The following CEP128 variants were observed in gnomAD, a reference collection of about 807,000 sequenced individuals.
CEP128 encodes the protein centrosomal protein 128kDa.
In CEP128, 132 loss-of-function variants were observed where a neutral mutation model predicts 156.7. The ratio of observed to expected loss-of-function variants is 0.84; its 90% confidence interval spans 0.73 to 0.97. CEP128 has a LOEUF of 0.97. CEP128 is among the 50% of genes least tolerant of loss of function. CEP128 has a pLI of 0.00. For synonymous variants in CEP128, 469 were observed against 448.9 expected (o/e 1.04, Z -0.57); for missense variants, 1,252 against 1,281.9 (o/e 0.98, Z 0.36).
At chr14:80,648,714 A>G (rs567719070) in intron 19 of CEP128, among the ~76,000 whole-genome samples, 2 of 152,120 alleles carry the variant, frequency 1.3e-5, no homozygotes, top group African/African-American at 4.8e-5. Context: ...TTTTTCATTC[A>G]TTAATTCATT....
chr14:80,940,427 A>G (rs1391336995), intron 1 of CEP128, among the ~76,000 whole-genome samples: 2 of 152,226 alleles, frequency 1.3e-5, no homozygotes, highest in African/African-American at 4.8e-5. Flanking sequence ...CACTAGACAC[A>G]TGGCTACTGA....
At chr14:80,645,985 G>C (rs1290755506) in intron 19 of CEP128, among the ~76,000 whole-genome samples, 1 of 152,152 alleles carries the variant, frequency 6.6e-6, no homozygotes, top group Non-Finnish European at 1.5e-5. Context: ...TACATTGTAT[G>C]ATATTTAGAA....
intron 20 of CEP128, among the ~76,000 whole-genome samples, chr14:80,568,955 T>C (rs934098465): frequency 2.6e-5 from 4 of 152,220 alleles, no homozygotes; most frequent in African/African-American, 7.2e-5. Context: ...AATACTTAAC[T>C]GCTTTTTCTT....
chr14:80,670,630 T>G (rs2619665), intron 19 of CEP128, among the ~76,000 whole-genome samples: 116,677 of 152,058 alleles, frequency 0.77, 45,680 homozygotes, highest in African/African-American at 0.94. Context: ...AGATTAGAAA[T>G]AGTGTGAGGG....
At chr14:80,512,652 G>A (rs1888313164) in intron 23 of CEP128, among the ~76,000 whole-genome samples, 1 of 151,588 alleles carries the variant, frequency 6.6e-6, no homozygotes, top group Non-Finnish European at 1.5e-5. Flanking sequence ...TTTGTTTCCT[G>A]GTCTTCTTCT....
At chr14:80,493,925 C>A (rs1887409196), downstream of CEP128, among the ~76,000 whole-genome samples, 1 of 152,194 alleles carries the variant, frequency 6.6e-6, no homozygotes, top group African/African-American at 2.4e-5. Flanking sequence ...TGTTACTAAT[C>A]AAAAGCTACG....
In CEP128 at chr14:80,904,910, G is replaced by T; in HGVS notation, c.383C>A (p.Thr128Asn). The change falls in exon 6 of 25, where the codon ACC (threonine) becomes AAC (asparagine). Residue 128 changes from threonine (T) to asparagine (N), a missense_variant. By Grantham distance (65) the Thr-to-Asn change is moderately conservative. Transcript: ENST00000555265. ...TGSELHHFPP[T>N]SPLKDYGDPQ... ...ATCCCCATAGTCCTTGAGAGGTGAG[G>T]TAGGTGGAAAATGATGGAGCTCTTC... The T allele has an allele frequency of 6.2e-7, 1 of 1,605,190 alleles. No individual in the cohort carries two copies. Among genetic ancestry groups the T allele is most frequent in the South Asian group, 1.1e-5 (1 of 90,866 alleles).
At chr14:80,797,114 C>A (rs567049996) in intron 13 of CEP128, among the ~76,000 whole-genome samples, 105 of 152,274 alleles carry the variant, frequency 6.9e-4, no homozygotes, top group Middle Eastern at 3.4e-3. Context: ...ATACCAAATT[C>A]TTTGGATTTC....
At chr14:80,643,392 G>T (rs1217595075) in intron 19 of CEP128, among the ~76,000 whole-genome samples, 2 of 152,100 alleles carry the variant, frequency 1.3e-5, no homozygotes, top group East Asian at 3.9e-4. Flanking sequence ...TGCAAATGTG[G>T]GGTGCAACAC....
chr14:80,921,789 C>T (rs1258785151), intron 2 of CEP128, among the ~76,000 whole-genome samples: 1 of 151,904 alleles, frequency 6.6e-6, no homozygotes, highest in African/African-American at 2.4e-5. Flanking sequence ...CACGGTGAAA[C>T]CCCATCTCTA....
intron 19 of CEP128, among the ~76,000 whole-genome samples, chr14:80,637,386 GAGA>G (rs1894229723): frequency 6.6e-6 from 1 of 152,154 alleles, no homozygotes; most frequent in South Asian, 2.1e-4. Context: ...AGAAGAGCCA[GAGA>G]AGGAGATGCA....
chr14:80,633,030 C>T (rs1003269302), intron 19 of CEP128, among the ~76,000 whole-genome samples: 2 of 152,004 alleles, frequency 1.3e-5, no homozygotes, highest in African/African-American at 4.8e-5. Flanking sequence ...AGTGCAAGAG[C>T]AGCCTGGGCA....
chr14:80,494,711 C>A (rs1227336898), downstream of CEP128, among the ~76,000 whole-genome samples: 1 of 152,094 alleles, frequency 6.6e-6, no homozygotes, highest in Non-Finnish European at 1.5e-5. Flanking sequence ...AAAGTAGGTT[C>A]ATTTTCTTAG....
chr14:80,953,710 A>C (rs1158548435), intron 2 of CEP128, among the ~76,000 whole-genome samples: 1 of 152,202 alleles, frequency 6.6e-6, no homozygotes, highest in Non-Finnish European at 1.5e-5. Flanking sequence ...CTACCATGGA[A>C]CCATCACCAC....
At chr14:80,664,138 T>A (rs929792191) in intron 19 of CEP128, among the ~76,000 whole-genome samples, 1 of 152,150 alleles carries the variant, frequency 6.6e-6, no homozygotes, top group Non-Finnish European at 1.5e-5. Flanking sequence ...TGGGTTGACA[T>A]TAATTATGGA....
At chr14:80,656,278 TTTATATATATATTTATATATATATATA>T (rs1566837729) in intron 19 of CEP128, among the ~76,000 whole-genome samples, 4 of 22,778 alleles carry the variant, frequency 1.8e-4, no homozygotes, top group African/African-American at 7.8e-4. Flanking sequence ...TAAGTTTTTA[TTTATATATATATTTATATATATATATA>T]TATATATATA....
chr14:80,957,217 G>C (rs1011521188), intron 2 of CEP128, among the ~76,000 whole-genome samples: 2 of 152,102 alleles, frequency 1.3e-5, no homozygotes, highest in Non-Finnish European at 2.9e-5. Flanking sequence ...CCCAGATCCA[G>C]ATCCTGGATC....
In CEP128 at chr14:80,791,280, A is replaced by ATACGAC. The variant is rs1292082750; in HGVS notation, c.1560+1474_1560+1479dup. Among the ~76,000 whole-genome samples, 7 of 152,318 alleles carry ATACGAC rather than the reference A, an allele frequency of 4.6e-5. No individual in the cohort carries two copies. In the South Asian group the frequency reaches 8.3e-4, roughly 18 times the overall value. On this transcript the variant is annotated intron_variant, in intron 14 of 24. Coordinates refer to ENST00000555265, the MANE Select transcript of CEP128 (RefSeq NM_152446.5). ...TACAATGCCTGCTGTGATAATTGTG[A>ATACGAC]TACGACCCTAACTGTGGCAATCACT...
At chr14:80,777,093 T>C (rs1342665815) in intron 16 of CEP128, among the ~76,000 whole-genome samples, 1 of 152,174 alleles carries the variant, frequency 6.6e-6, no homozygotes, top group African/African-American at 2.4e-5. Flanking sequence ...AATTAGGTAA[T>C]TTGAACCTCA....
Sources: gnomAD v4.1 joint callset for allele counts (sites outside exome capture counted in the v4.1 genomes callset) on GRCh38, gnomAD v4.1.1 for gene constraint, MANE v1.5 for transcripts, NCBI Gene and HGNC (gene_info 2026-07-23, HGNC 2026-07-21) for gene names.